Variants in HEMK2 observed in about 807,000 individuals in gnomAD.
HEMK2 encodes the protein methyltransferase HEMK2.
At chr21:28,636,824 C>A in the HEMK2 span, among the ~76,000 whole-genome samples, 1 of 152,136 alleles carries the variant, frequency 6.6e-6, no homozygotes, top group African/African-American at 2.4e-5. Flanking sequence ...GCAGAGAGTA[C>A]GACTCCATCA....
the HEMK2 span, among the ~76,000 whole-genome samples, chr21:28,713,113 T>C: frequency 6.6e-6 from 1 of 152,126 alleles, no homozygotes; most frequent in Non-Finnish European, 1.5e-5. Flanking sequence ...CAGGCTGAGT[T>C]TCCAATTTGG....
chr21:28,872,869 G>A, the HEMK2 span: 1 of 152,132 alleles, frequency 6.6e-6, no homozygotes, highest in Non-Finnish European at 1.5e-5. Flanking sequence ...CACCCACCTT[G>A]GGGATGGCTA....
At chr21:28,818,445 T>A in the HEMK2 span, among the ~76,000 whole-genome samples, 1 of 152,172 alleles carries the variant, frequency 6.6e-6, no homozygotes, top group East Asian at 1.9e-4. Context: ...TAAACTCATA[T>A]ATATATGTAT....
chr21:28,720,997 T>C, the HEMK2 span, among the ~76,000 whole-genome samples: 2 of 152,232 alleles, frequency 1.3e-5, no homozygotes, highest in East Asian at 1.9e-4. Flanking sequence ...TTTGACAGTA[T>C]GGATTGCTAC....
the HEMK2 span, among the ~76,000 whole-genome samples, chr21:28,867,990 T>C: frequency 1.3e-5 from 2 of 152,242 alleles, no homozygotes; most frequent in Non-Finnish European, 2.9e-5. Context: ...AGAATCTAAT[T>C]TCATTGTTTC....
At chr21:28,814,205 C>T in the HEMK2 span, among the ~76,000 whole-genome samples, 1 of 152,090 alleles carries the variant, frequency 6.6e-6, no homozygotes, top group South Asian at 2.1e-4. Context: ...CCACTGCACT[C>T]TAGCCTGGGC....
At chr21:28,654,595 G>GA in the HEMK2 span, among the ~76,000 whole-genome samples, 1 of 151,814 alleles carries the variant, frequency 6.6e-6, no homozygotes, top group Non-Finnish European at 1.5e-5. Flanking sequence ...CTACTGTCTC[G>GA]AAAAAAATAA....
the HEMK2 span, among the ~76,000 whole-genome samples, chr21:28,785,983 C>T: frequency 6.6e-6 from 1 of 152,346 alleles, no homozygotes; most frequent in East Asian, 1.9e-4. Flanking sequence ...TCCTTGTTCA[C>T]ACTTTCCTTG....
At chr21:28,828,272 G>A in the HEMK2 span, among the ~76,000 whole-genome samples, 1 of 152,190 alleles carries the variant, frequency 6.6e-6, no homozygotes, top group Admixed American at 6.5e-5. Flanking sequence ...TAAGTAAGGA[G>A]GAAGGGGTGG....
chr21:28,687,099 A>G, the HEMK2 span, among the ~76,000 whole-genome samples: 1 of 152,214 alleles, frequency 6.6e-6, no homozygotes, highest in Non-Finnish European at 1.5e-5. Context: ...CCCCTCTCAC[A>G]TTATACCCCC....
At chr21:28,811,435 G>C in the HEMK2 span, among the ~76,000 whole-genome samples, 10,760 of 142,338 alleles carry the variant, frequency 0.076, 454 homozygotes, top group Middle Eastern at 0.11. Flanking sequence ...GAGGGAGAGA[G>C]GGACGGACGC....
At chr21:28,609,858 A>G in the HEMK2 span, among the ~76,000 whole-genome samples, 1 of 152,162 alleles carries the variant, frequency 6.6e-6, no homozygotes, top group Non-Finnish European at 1.5e-5. Flanking sequence ...CAATCTGACA[A>G]AGACAAAAAA....
chr21:28,838,378 C>CA, the HEMK2 span, among the ~76,000 whole-genome samples: 1 of 150,926 alleles, frequency 6.6e-6, no homozygotes, highest in African/African-American at 2.4e-5. Context: ...ACTAAAAATA[C>CA]AAAAAATTAG....
chr21:28,812,780 T>C, the HEMK2 span, among the ~76,000 whole-genome samples: 1 of 152,228 alleles, frequency 6.6e-6, no homozygotes, highest in Non-Finnish European at 1.5e-5. Flanking sequence ...TTTTTTTAGT[T>C]GGTAGGCTAT....
the HEMK2 span, among the ~76,000 whole-genome samples, chr21:28,683,789 A>G: frequency 6.6e-6 from 1 of 152,234 alleles, no homozygotes; most frequent in Non-Finnish European, 1.5e-5. Context: ...ACTAAAAATA[A>G]AAGAAAATTT....
chr21:28,825,577 C>T, the HEMK2 span, among the ~76,000 whole-genome samples: 592 of 152,290 alleles, frequency 3.9e-3, 4 homozygotes, highest in African/African-American at 0.013. Context: ...AAAACAGGAG[C>T]TCCATCTTAA....
chr21:28,589,128 T>C, the HEMK2 span, among the ~76,000 whole-genome samples: 2 of 152,164 alleles, frequency 1.3e-5, no homozygotes, highest in Admixed American at 6.5e-5. Context: ...TTATAGTTGA[T>C]AAACAGATCA....
At chr21:28,762,589 C>T in the HEMK2 span, among the ~76,000 whole-genome samples, 1 of 152,148 alleles carries the variant, frequency 6.6e-6, no homozygotes, top group African/African-American at 2.4e-5. Flanking sequence ...TTAATGTGCC[C>T]CACAAAAGTT....
At chr21:28,856,654 A>C in the HEMK2 span, among the ~76,000 whole-genome samples, 1 of 152,314 alleles carries the variant, frequency 6.6e-6, no homozygotes, top group Admixed American at 6.5e-5. Flanking sequence ...AGTGAGGAAA[A>C]GCAGGGTCAG....
Sources: allele counts gnomAD v4.1 joint callset (sites outside exome capture counted in the v4.1 genomes callset), GRCh38; gene constraint gnomAD v4.1.1; transcripts MANE v1.5; gene names NCBI Gene and HGNC (gene_info 2026-07-23, HGNC 2026-07-21).